KCNJ18: variants seen among roughly 807,000 people sequenced by gnomAD.
KCNJ18 encodes inward rectifier potassium channel 18.
In KCNJ18, 16 loss-of-function variants were observed where a neutral mutation model predicts 17.3. The observed-to-expected ratio is 0.92, with a 90% confidence interval of 0.62 to 1.40. The LOEUF is 1.40. Among genes scored for constraint, KCNJ18 ranks in the 40% most tolerant of loss-of-function variants. The pLI, the probability that KCNJ18 is intolerant of heterozygous loss-of-function variation, is 0.00. For missense variants in KCNJ18, 462 were observed against 626.8 expected (o/e 0.74, Z 2.81); for synonymous variants, 185 against 262.6 (o/e 0.70, Z 2.86).
chr17:21,701,580 G>T (rs1216196633), intron 2 of KCNJ18, among the ~76,000 whole-genome samples: 1 of 152,184 alleles, frequency 6.6e-6, no homozygotes, highest in Non-Finnish European at 1.5e-5. Flanking sequence ...AGTGGGTGGC[G>T]ACAGGGGTGG....
intron 1 of KCNJ18, among the ~76,000 whole-genome samples, chr17:21,693,013 C>G (rs1464151798): frequency 6.6e-6 from 1 of 152,312 alleles, no homozygotes; most frequent in Non-Finnish European, 1.5e-5. Flanking sequence ...CCTGCCCTCC[C>G]CTGCGGGACG....
rs1425767533 is a variant in KCNJ18, at chr17:21,692,680, C to T, written c.-213C>T. On this transcript the variant is annotated 5_prime_UTR_variant, in exon 1 of 3. Transcript: ENST00000567955. ...GTCTCTGTGGGACAGATACTGAAGC[C>T]AGGGCTTGGCTTACCCTCGTGACAG... 8 of 152,724 alleles carry T rather than the reference C, an allele frequency of 5.2e-5. No individual in the cohort carries two copies. The highest frequency in any genetic ancestry group is 1.9e-4 in the African/African-American group (8 of 41,486). The allele number at this position is 152,724 out of a possible 1,614,324, so 9.5% of individuals were successfully genotyped here.
rs1273311631 is a variant in KCNJ18, at chr17:21,702,909, G to A, written c.123G>A (p.Arg41=). ...ACGGCAAGGTGCACACGCGGCGCAG[G>A]TGCCGCAACCGCTTCGTCAAGAAGA... is the stretch of plus-strand genomic sequence containing the variant. The part of the protein sequence containing the change: ...FGNGKVHTRR[R]CRNRFVKKNG... The change falls in exon 3 of 3, where the codon AGG becomes AGA. Residue 41 remains arginine, a synonymous_variant. Coordinates refer to ENST00000567955, the MANE Select transcript of KCNJ18 (RefSeq NM_001194958.2). The A allele has an allele frequency of 1.0e-4, 159 of 1,594,826 alleles. No individual in the cohort carries two copies. The highest frequency in any genetic ancestry group is 1.3e-4 in the Non-Finnish European group (151 of 1,174,178).
chr17:21,696,493 C>T (rs1391391920), intron 2 of KCNJ18, among the ~76,000 whole-genome samples: 4 of 152,188 alleles, frequency 2.6e-5, no homozygotes, highest in Admixed American at 2.6e-4. Flanking sequence ...CTCATCCATC[C>T]CATTCAGCTG....
chr17:21,694,374 G>C (rs1905692613), intron 1 of KCNJ18, among the ~76,000 whole-genome samples: 1 of 151,894 alleles, frequency 6.6e-6, no homozygotes, highest in African/African-American at 2.4e-5. Context: ...CCCTTTGACA[G>C]GTGGGGAAAT....
chr17:21,704,167 C>T lies in KCNJ18; in HGVS notation c.*79C>T, dbSNP rs1216825767. Reference sequence around the variant, plus strand: ...GTCGCTCAGGGGCCCTGGGTTTGAGCAGAACGGGCCCAGTGCCCTGGGTTG... The same window carrying T: ...GTCGCTCAGGGGCCCTGGGTTTGAGTAGAACGGGCCCAGTGCCCTGGGTTG... On this transcript the variant is annotated 3_prime_UTR_variant, in exon 3 of 3. Transcript: ENST00000567955. The T allele has an allele frequency of 2.8e-6, 4 of 1,422,366 alleles. No homozygotes were observed. Among genetic ancestry groups the T allele is most frequent in the African/African-American group, 1.4e-5 (1 of 69,112 alleles). The allele number at this position is 1,422,366 out of a possible 1,614,324, so 88.1% of individuals were successfully genotyped here.
chr17:21,695,224 T>C (rs1411139982), intron 1 of KCNJ18, among the ~76,000 whole-genome samples: 184 of 18,150 alleles, frequency 0.01, no homozygotes, highest in South Asian at 0.016. Context: ...TCCATCCATC[T>C]TTCCATCCTA....
At chr17:21,702,669 G>A in intron 2 of KCNJ18, 62 bp from the exon 3 acceptor site, 3 of 1,124,876 alleles carry the variant, frequency 2.7e-6, no homozygotes, top group Non-Finnish European at 3.8e-6. Flanking sequence ...GGGGCCCTGG[G>A]ATGGGGGTAG....
intron 1 of KCNJ18, among the ~76,000 whole-genome samples, chr17:21,694,138 T>A (rs1316883315): frequency 7.2e-6 from 1 of 138,350 alleles, no homozygotes; most frequent in African/African-American, 2.7e-5. Flanking sequence ...AGGCTGATGA[T>A]GTGGGGGTGA....
At chr17:21,698,854 G>A (rs1402068568) in intron 2 of KCNJ18, among the ~76,000 whole-genome samples, 29 of 152,316 alleles carry the variant, frequency 1.9e-4, no homozygotes, top group Admixed American at 1.6e-3. Flanking sequence ...GGGGTCTGCC[G>A]GGCCCGCGCT....
intron 2 of KCNJ18, among the ~76,000 whole-genome samples, chr17:21,698,546 A>G (rs1436091718): frequency 0.011 from 1,646 of 151,440 alleles, 42 homozygotes; most frequent in African/African-American, 0.036. Context: ...TCTCCCTTCC[A>G]GTCAGTGCTT....
At position 21,703,436 on chromosome 17, in the gene KCNJ18, AC is replaced by A. The variant is rs1252921095; in HGVS notation, c.652del (p.Leu218CysfsTer91). ...GKLCLMWRVG[N>X]LRKSHIVEAH... The stretch of plus-strand genomic sequence containing the variant: ...CTCTGCCTCATGTGGCGTGTGGGCA[AC>A]CTGCGCAAGAGCCACATTGTGGAGG... On this transcript the variant is annotated frameshift_variant, in exon 3 of 3. Transcript: ENST00000567955. LOFTEE classifies it high-confidence loss of function. 2 of 1,613,266 alleles carry A rather than the reference AC, an allele frequency of 1.2e-6. No individual in the cohort carries two copies. The highest frequency in any genetic ancestry group is 4.5e-5 in the East Asian group (2 of 44,888).
At chr17:21,693,550 C>A (rs1313149282) in intron 1 of KCNJ18, among the ~76,000 whole-genome samples, 1 of 152,282 alleles carries the variant, frequency 6.6e-6, no homozygotes, top group Admixed American at 6.5e-5. Flanking sequence ...GGTGACTGTG[C>A]AGGTGACTTA....
Position 21,704,123 on chromosome 17 carries a change from G to T in KCNJ18, c.*35G>T. 6.7e-7 allele frequency: 1 copy of T among 1,494,822 alleles called. No homozygotes were observed. The highest frequency in any genetic ancestry group is 2.4e-5 in the East Asian group (1 of 40,866). 92.6% of individuals were successfully genotyped at this position (1,494,822 alleles called of 1,614,324 possible). A position where few individuals can be genotyped will look rare whatever the true frequency, so the allele number is the denominator to read the frequency against. On this transcript the variant is annotated 3_prime_UTR_variant, in exon 3 of 3. Transcript: ENST00000567955. Reference sequence around the variant, plus strand: ...GGCCGACATGCAGCATCCACCCCTGGCCGGGGAGAGGCCCCGCGGTCGCTC... The same window carrying T: ...GGCCGACATGCAGCATCCACCCCTGTCCGGGGAGAGGCCCCGCGGTCGCTC...
chr17:21,695,455 T>TTCCATCCA (rs1223562209), intron 1 of KCNJ18, among the ~76,000 whole-genome samples: 3 of 141,640 alleles, frequency 2.1e-5, no homozygotes, highest in African/African-American at 7.8e-5. Context: ...CCATCCATCC[T>TTCCATCCA]TCCATCCATC....
At chr17:21,697,821 G>A (rs1350922288) in intron 2 of KCNJ18, among the ~76,000 whole-genome samples, 5 of 152,312 alleles carry the variant, frequency 3.3e-5, no homozygotes, top group Non-Finnish European at 7.3e-5. Flanking sequence ...TGCATCTGAT[G>A]AATGGTGCCT....
chr17:21,695,371 T>C (rs1905729580), intron 1 of KCNJ18, among the ~76,000 whole-genome samples: 1 of 151,784 alleles, frequency 6.6e-6, no homozygotes, highest in Non-Finnish European at 1.5e-5. Context: ...TTCATCCATA[T>C]ACCCACTCAT....
intron 1 of KCNJ18, among the ~76,000 whole-genome samples, chr17:21,695,023 C>T (rs1162908403): frequency 5.3e-5 from 8 of 152,036 alleles, no homozygotes; most frequent in African/African-American, 1.9e-4. Context: ...CACCCATTAC[C>T]CATCCATCCA....
rs1469538049 is a variant in KCNJ18 at position 21,696,967 on chromosome 17, G to A, written c.-57+863G>A. Among the ~76,000 whole-genome samples the A allele has an allele frequency of 1.0e-2, 1,519 of 152,358 alleles. 11 individuals carry two copies. The highest frequency in any genetic ancestry group is 0.034 in the African/African-American group (1,433 of 41,570). On this transcript the variant is annotated intron_variant, in intron 2 of 2. Coordinates refer to ENST00000567955, the MANE Select transcript of KCNJ18 (RefSeq NM_001194958.2). ...AAGAGAAGGAAGTGATAAAGGGCAT[G>A]TCGTTGATACAGTTACTGCTGGGGC...
Sources: allele counts gnomAD v4.1 joint callset (sites outside exome capture counted in the v4.1 genomes callset), GRCh38; gene constraint gnomAD v4.1.1; transcripts MANE v1.5; gene names NCBI Gene and HGNC (gene_info 2026-07-23, HGNC 2026-07-21).